MRGPRX2: variants seen among roughly 807,000 people sequenced by gnomAD.
MRGPRX2 encodes MAS related GPR family member X2.
For missense variants in MRGPRX2, 389 were observed against 404.5 expected, an observed-to-expected ratio of 0.96 and a Z score of 0.33; for synonymous variants, 183 against 175.6, an observed-to-expected ratio of 1.04 and a Z score of -0.33.
chr11:19,059,093 C>T (rs1849644835), intron 1 of MRGPRX2, among the ~76,000 whole-genome samples: 1 of 152,194 alleles, frequency 6.6e-6, no homozygotes, highest in Non-Finnish European at 1.5e-5. Flanking sequence ...GCCCCAAAAG[C>T]CATTCTCCTT....
In MRGPRX2 at chr11:19,056,242, A is replaced by G. The variant is rs1414878593; in HGVS notation, c.161T>C (p.Leu54Pro). Residue 54 changes from leucine to proline, a missense_variant, in exon 2 of 2, where the codon CTC (leucine) becomes CCC (proline). Physicochemically the swap from Leu to Pro is moderately conservative, Grantham distance 98 (BLOSUM62 -3). Transcript: ENST00000329773. ...GTTCCTGCGCATGCGGAAGCCCAGG[A>G]GCCAGAGCACAAACCCGTTTCCTAC... ...GLVGNGFVLW[L>P]LGFRMRRNAF... 7 of 1,614,040 alleles carry G rather than the reference A, an allele frequency of 4.3e-6. No individual in the cohort carries two copies. Among genetic ancestry groups the G allele is most frequent in the South Asian group, 2.2e-5 (2 of 91,090 alleles).
intron 1 of MRGPRX2, among the ~76,000 whole-genome samples, chr11:19,058,559 T>A (rs1849639583): frequency 6.6e-6 from 1 of 152,028 alleles, no homozygotes; most frequent in South Asian, 2.1e-4. Flanking sequence ...TAGCTGGGAC[T>A]ACAGGTGCCC....
chr11:19,056,302 A>T lies in MRGPRX2; in HGVS notation c.101T>A (p.Val34Asp), dbSNP rs1474550500. ...LLCGKETLIP[V>D]FLILFIALVG... ...CAGGGCAATGAAAAGGATCAGGAAG[A>T]CCGGGATCAGGGTCTCCTTGCCACA... Residue 34 changes from valine (V) to aspartate (D), a missense_variant, in exon 2 of 2, where the codon GTC (valine) becomes GAC (aspartate). Val to Asp is a radical substitution (Grantham distance 152). Transcript: ENST00000329773. 5 of 1,614,064 alleles carry T rather than the reference A, an allele frequency of 3.1e-6. No individual in the cohort carries two copies. The highest frequency in any genetic ancestry group is 3.4e-6 in the Non-Finnish European group (4 of 1,180,034).
intron 1 of MRGPRX2, among the ~76,000 whole-genome samples, chr11:19,059,521 T>G (rs1253302142): frequency 6.6e-6 from 1 of 152,182 alleles, no homozygotes; most frequent in Non-Finnish European, 1.5e-5. Context: ...AATCCCTTTT[T>G]TTCCCAACCA....
At chr11:19,057,371 G>C (rs1849628974) in intron 1 of MRGPRX2, among the ~76,000 whole-genome samples, 1 of 152,172 alleles carries the variant, frequency 6.6e-6, no homozygotes, top group South Asian at 2.1e-4. Context: ...ACCCAAAAGA[G>C]TTTAAACTTC....
chr11:19,056,391 G>A lies in MRGPRX2; in HGVS notation c.12C>T (p.Thr4=). The A allele has an allele frequency of 6.2e-7, 1 of 1,609,214 alleles. No homozygotes were observed. The highest frequency in any genetic ancestry group is 8.5e-7 in the Non-Finnish European group (1 of 1,175,972). The stretch of plus-strand genomic sequence containing the variant: ...TACTTTCTGTTCCCCAGGCCGGGGT[G>A]GTTGGATCCATGCTCAGAAAACCTC... MDP[T]TPAWGTESTT... is the part of the protein sequence containing the mutation. Residue 4 remains threonine, a synonymous_variant, in exon 2 of 2, where the codon ACC becomes ACT. Coordinates refer to ENST00000329773, the MANE Select transcript of MRGPRX2 (RefSeq NM_054030.4).
rs749542856 is a variant in MRGPRX2, at chr11:19,055,921, C to G, written c.482G>C (p.Ser161Thr). The G allele has an allele frequency of 6.2e-7, 1 of 1,614,216 alleles. No individual in the cohort carries two copies. The highest frequency in any genetic ancestry group is 8.5e-7 in the Non-Finnish European group (1 of 1,180,046). ...GCCACAGAACTTCCCTTCCAAGATGCTCAGCAGTAGGGACAGGGCCCAGAG... is the reference window on the plus strand; with the variant it reads ...GCCACAGAACTTCCCTTCCAAGATGGTCAGCAGTAGGGACAGGGCCCAGAG... Reference protein sequence around the residue: ...VLLWALSLLLSILEGKFCGFL... With the variant: ...VLLWALSLLLTILEGKFCGFL... The change falls in exon 2 of 2, where the codon AGC (serine) becomes ACC (threonine). Residue 161 changes from serine to threonine, a missense_variant. By Grantham distance (58) the Ser-to-Thr change is moderately conservative. Transcript: ENST00000329773.
Position 19,055,444 on chromosome 11 carries a change from C to T in MRGPRX2, c.959G>A (p.Gly320Asp), listed in dbSNP as rs1849603957. ...ACTGCTTCTCGACATCTCCGGGGTGCCCTGACGGAAGCATCCTTCACTGTG... is the reference window on the plus strand; with the variant it reads ...ACTGCTTCTCGACATCTCCGGGGTGTCCTGACGGAAGCATCCTTCACTGTG... ...VDHSEGCFRQGTPEMSRSSLV is the reference protein window; with the variant it reads ...VDHSEGCFRQDTPEMSRSSLV The change falls in exon 2 of 2, where the codon GGC (glycine) becomes GAC (aspartate). Residue 320 changes from glycine (G) to aspartate (D), a missense_variant. Coordinates refer to ENST00000329773, the MANE Select transcript of MRGPRX2 (RefSeq NM_054030.4). 1 of 1,610,266 alleles carries T rather than the reference C, an allele frequency of 6.2e-7. No homozygotes were observed.
At position 19,056,112 on chromosome 11, in the gene MRGPRX2, G is replaced by A. The variant is rs967028478; in HGVS notation, c.291C>T (p.Ile97=). The A allele has an allele frequency of 6.2e-7, 1 of 1,614,244 alleles. No individual in the cohort carries two copies. The highest frequency in any genetic ancestry group is 8.5e-7 in the Non-Finnish European group (1 of 1,180,044). The change falls in exon 2 of 2, where the codon ATC becomes ATT. Residue 97 remains isoleucine, a synonymous_variant. Transcript: ENST00000329773. ...TGAAGAAGCTAGGGAAATTGATGGA[G>A]ATGGAACAGAAGAAGTTACTGAGGT... ...LVYLSNFFCS[I]SINFPSFFTT...
intron 1 of MRGPRX2, among the ~76,000 whole-genome samples, 184 bp downstream of exon 1, chr11:19,060,435 T>G (rs1590040709): frequency 6.6e-6 from 1 of 152,198 alleles, no homozygotes; most frequent in South Asian, 2.1e-4. Context: ...TATTGGTAGA[T>G]AGAAGAGAAG....
intron 1 of MRGPRX2, among the ~76,000 whole-genome samples, chr11:19,057,202 C>T (rs1266292941): frequency 1.3e-5 from 2 of 152,180 alleles, no homozygotes; most frequent in Non-Finnish European, 2.9e-5. Flanking sequence ...CACTAAAAAA[C>T]ACACATGTAA....
intron 1 of MRGPRX2, among the ~76,000 whole-genome samples, chr11:19,060,167 C>A (rs530330996): frequency 1.3e-5 from 2 of 152,198 alleles, no homozygotes; most frequent in Non-Finnish European, 2.9e-5. Flanking sequence ...TCCCTGTTCA[C>A]GCCGTTGTAA....
chr11:19,056,377 C>G lies in MRGPRX2; in HGVS notation c.26G>C (p.Gly9Ala). The stretch of plus-strand genomic sequence containing the variant: ...TCCATTCACTGTTGTACTTTCTGTT[C>G]CCCAGGCCGGGGTGGTTGGATCCAT... MDPTTPAW[G>A]TESTTVNGND... The change falls in exon 2 of 2, where the codon GGA (glycine) becomes GCA (alanine). Residue 9 changes from glycine (G) to alanine (A), a missense_variant. Coordinates refer to ENST00000329773, the MANE Select transcript of MRGPRX2 (RefSeq NM_054030.4). The G allele has an allele frequency of 6.2e-7, 1 of 1,612,484 alleles. No homozygotes were observed. The highest frequency in any genetic ancestry group is 8.5e-7 in the Non-Finnish European group (1 of 1,178,644).
At position 19,054,622 on chromosome 11, in the gene MRGPRX2, A is replaced by C. The variant is rs1408031934; in HGVS notation, c.*788T>G. 5 of 152,198 alleles carry C rather than the reference A, an allele frequency of 3.3e-5. No homozygotes were observed. The highest frequency in any genetic ancestry group is 1.2e-4 in the African/African-American group (5 of 41,450). The allele number at this position is 152,198 out of a possible 1,614,324, so 9.4% of individuals were successfully genotyped here. A position where few individuals can be genotyped will look rare whatever the true frequency, so the allele number is the denominator to read the frequency against. On this transcript the variant is annotated 3_prime_UTR_variant, in exon 2 of 2. Transcript: ENST00000329773. Reference sequence around the variant, plus strand: ...AGACCACTGGAAACTTCCAGGACGAATTAGAGAGCCCCCAGAGAGGGAAGA... The same window carrying C: ...AGACCACTGGAAACTTCCAGGACGACTTAGAGAGCCCCCAGAGAGGGAAGA...
At position 19,056,313 on chromosome 11, in the gene MRGPRX2, G is replaced by T. The variant is rs1430420000; in HGVS notation, c.90C>A (p.Thr30=). The T allele has an allele frequency of 6.2e-7, 1 of 1,614,140 alleles. No homozygotes were observed. Among genetic ancestry groups the T allele is most frequent in the South Asian group, 1.1e-5 (1 of 91,084 alleles). Residue 30 remains threonine (T), a synonymous_variant, in exon 2 of 2, where the codon ACC becomes ACA. Coordinates refer to ENST00000329773, the MANE Select transcript of MRGPRX2 (RefSeq NM_054030.4). ...QALLLLCGKE[T]LIPVFLILFI... Reference sequence around the variant, plus strand: ...AAAGGATCAGGAAGACCGGGATCAGGGTCTCCTTGCCACAAAGCAGAAGAA... The same window carrying T: ...AAAGGATCAGGAAGACCGGGATCAGTGTCTCCTTGCCACAAAGCAGAAGAA...
In MRGPRX2 at chr11:19,058,417, A is replaced by G. The variant is rs535194484; in HGVS notation, c.-25-1990T>C. Among the ~76,000 whole-genome samples the G allele has an allele frequency of 4.6e-3, 667 of 145,244 alleles. 13 individuals carry two copies. Among genetic ancestry groups the G allele is most frequent in the East Asian group, 4.6e-3 (23 of 5,054 alleles). On this transcript the variant is annotated intron_variant, in intron 1 of 1. Coordinates refer to ENST00000329773, the MANE Select transcript of MRGPRX2 (RefSeq NM_054030.4). Reference sequence around the variant, plus strand: ...ATTCGTGGCACTGAACACAGTTTGCACCTGTATTTTTTTTTTTTTTTGAGA... The same window carrying G: ...ATTCGTGGCACTGAACACAGTTTGCGCCTGTATTTTTTTTTTTTTTTGAGA...
chr11:19,056,245 C>T lies in MRGPRX2; in HGVS notation c.158G>A (p.Trp53Ter). The T allele has an allele frequency of 6.2e-7, 1 of 1,614,132 alleles. No homozygotes were observed. The highest frequency in any genetic ancestry group is 8.5e-7 in the Non-Finnish European group (1 of 1,179,980). The change falls in exon 2 of 2, where the codon TGG (tryptophan) becomes TAG (stop). Residue 53 changes from tryptophan to a stop codon, truncating the protein, a stop_gained. Transcript: ENST00000329773. LOFTEE classifies it low-confidence loss of function (END_TRUNC). The part of the protein sequence containing the change: ...VGLVGNGFVL[W>*]LLGFRMRRNA... ...CCTGCGCATGCGGAAGCCCAGGAGC[C>T]AGAGCACAAACCCGTTTCCTACCAG...
intron 1 of MRGPRX2, among the ~76,000 whole-genome samples, chr11:19,059,554 T>C (rs1849649390): frequency 1.3e-5 from 2 of 151,998 alleles, no homozygotes; most frequent in Admixed American, 6.6e-5. Context: ...AAGGCATTTA[T>C]GATGATAGTG....
chr11:19,059,553 A>C (rs1849649362), intron 1 of MRGPRX2, among the ~76,000 whole-genome samples: 1 of 152,136 alleles, frequency 6.6e-6, no homozygotes, highest in Non-Finnish European at 1.5e-5. Context: ...CAAGGCATTT[A>C]TGATGATAGT....
Sources: allele counts gnomAD v4.1 joint callset (sites outside exome capture counted in the v4.1 genomes callset), GRCh38; gene constraint gnomAD v4.1.1; transcripts MANE v1.5; gene names NCBI Gene and HGNC (gene_info 2026-07-23, HGNC 2026-07-21).